KIF4A: variants seen among roughly 807,000 people sequenced by gnomAD.
The protein encoded by KIF4A is chromosome-associated kinesin KIF4A.
KIF4A carries 7 observed loss-of-function variants against 105.9 expected under a neutral mutation model. That is an observed-to-expected ratio of 0.07 (90% confidence interval 0.04 to 0.12). KIF4A has a LOEUF of 0.12. KIF4A is among the 10% of genes least tolerant of loss of function. KIF4A has a pLI of 1.00. For missense variants in KIF4A, 558 were observed against 929.2 expected (o/e 0.60, Z 5.19); for synonymous variants, 281 against 331.3 (o/e 0.85, Z 1.65).
At chrX:70,364,398 A>G (rs1346659593) in intron 15 of KIF4A, among the ~76,000 whole-genome samples, 2 of 109,101 alleles carry the variant, frequency 1.8e-5, no homozygotes, top group Non-Finnish European at 3.8e-5. Context: ...TCTTTAATCC[A>G]TCTTGAATTA....
chrX:70,326,536 A>C (rs965376366), intron 7 of KIF4A, among the ~76,000 whole-genome samples: 3 of 112,186 alleles, frequency 2.7e-5, no homozygotes, highest in Admixed American at 9.4e-5. Context: ...GATAGCTGTG[A>C]AGTTATATTT....
At chrX:70,348,952 T>C (rs769832146) in intron 13 of KIF4A, among the ~76,000 whole-genome samples, 72 of 56,721 alleles carry the variant, frequency 1.3e-3, no homozygotes, top group African/African-American at 1.8e-3. Context: ...TGGGCAGAGG[T>C]GCTCCTCACC....
intron 28 of KIF4A, among the ~76,000 whole-genome samples, chrX:70,415,707 G>C (rs1004968058): frequency 1.9e-4 from 21 of 108,879 alleles, no homozygotes; most frequent in African/African-American, 7.0e-4. Context: ...AGGCAAATAG[G>C]ATCAGGAAGG....
At chrX:70,385,421 TCTGA>T (rs1222384831) in intron 18 of KIF4A, among the ~76,000 whole-genome samples, 1 of 112,332 alleles carries the variant, frequency 8.9e-6, no homozygotes, top group African/African-American at 3.2e-5. Context: ...AGCTTAGTCC[TCTGA>T]CTGTGTTTCT....
chrX:70,331,364 G>C (rs756530012), intron 9 of KIF4A, among the ~76,000 whole-genome samples: 69 of 111,290 alleles, frequency 6.2e-4, no homozygotes, highest in African/African-American at 2.1e-3. Context: ...TTGCAGGCTT[G>C]GTTCCAGACC....
intron 9 of KIF4A, among the ~76,000 whole-genome samples, chrX:70,331,858 G>A (rs187411220): frequency 2.7e-5 from 3 of 112,527 alleles, no homozygotes; most frequent in African/African-American, 9.7e-5. Context: ...TAGAGCAAGA[G>A]TAGATTCATG....
intron 28 of KIF4A, among the ~76,000 whole-genome samples, chrX:70,416,113 C>T (rs1045384170): frequency 9.1e-6 from 1 of 109,549 alleles, no homozygotes; most frequent in South Asian, 3.9e-4. Context: ...ATGATCTGCC[C>T]GCCTCGGCCT....
rs751846600 is a variant in KIF4A at position 70,402,520 on chromosome X, A to T, written c.2490-46A>T. 7 of 1,186,442 alleles carry T rather than the reference A, an allele frequency of 5.9e-6. No homozygotes were observed. In the Admixed American group the frequency reaches 1.1e-4, roughly 19 times the overall value. On this transcript the variant is annotated intron_variant, in intron 22 of 30. Transcript: ENST00000374403. ...TCCTCAGAGCTCTTCCCCCTTCTTGATGTTCAGGCTACTTGCAATAAGGCT... is the reference window on the plus strand; with the variant it reads ...TCCTCAGAGCTCTTCCCCCTTCTTGTTGTTCAGGCTACTTGCAATAAGGCT...
intron 9 of KIF4A, among the ~76,000 whole-genome samples, chrX:70,333,214 C>T (rs1322228220): frequency 4.6e-5 from 5 of 108,284 alleles, no homozygotes; most frequent in Non-Finnish European, 9.6e-5. Context: ...TGGCGGGCGC[C>T]TGTAGTCCCA....
At chrX:70,291,491 C>T (rs1193275395) in intron 3 of KIF4A, among the ~76,000 whole-genome samples, 1 of 110,906 alleles carries the variant, frequency 9.0e-6, no homozygotes, top group Non-Finnish European at 1.9e-5. Context: ...CCTCTGAATA[C>T]TATCACCAGT....
Position 70,290,595 on chromosome X carries a change from A to G in KIF4A, c.120+17A>G, listed in dbSNP as rs1400333489. The G allele has an allele frequency of 2.5e-6, 3 of 1,210,663 alleles. No individual in the cohort carries two copies. The highest frequency in any genetic ancestry group is 2.2e-5 in the Admixed American group (1 of 45,959). ...GAGCCTCAGGTGCGTAGCAGAGTCC[A>G]GAGCCTGTGTCTGAACAGCTGGGGC... On this transcript the variant is annotated intron_variant, in intron 2 of 30. Coordinates refer to ENST00000374403, the MANE Select transcript of KIF4A (RefSeq NM_012310.5).
chrX:70,354,584 T>G (rs1280716690), intron 15 of KIF4A, among the ~76,000 whole-genome samples: 1 of 112,797 alleles, frequency 8.9e-6, no homozygotes. Context: ...TTCTCACATC[T>G]GAAATAAGAC....
At chrX:70,403,525 AC>A (rs1374348605) in intron 23 of KIF4A, among the ~76,000 whole-genome samples, 13 of 112,605 alleles carry the variant, frequency 1.2e-4, no homozygotes, top group African/African-American at 3.9e-4. Context: ...TTAAGGAAGA[AC>A]TTCTTAAATA....
At chrX:70,363,989 A>G (rs1399604904) in intron 15 of KIF4A, among the ~76,000 whole-genome samples, 1 of 112,528 alleles carries the variant, frequency 8.9e-6, no homozygotes, top group African/African-American at 3.2e-5. Flanking sequence ...TCTGATGGCC[A>G]GTGATGATGA....
In KIF4A at chrX:70,301,987, T is replaced by C; in HGVS notation, c.604T>C (p.Ser202Pro). The change falls in exon 6 of 31, where the codon TCC (serine) becomes CCC (proline). Residue 202 changes from serine (S) to proline (P), a missense_variant. Around this residue, in one of 2 missense-constraint regions of KIF4A, gnomAD observed 89 missense variants for 248.8 expected, o/e 0.36. Coordinates refer to ENST00000374403, the MANE Select transcript of KIF4A (RefSeq NM_012310.5). The part of the protein sequence containing the change: ...EQGNNSRTVA[S>P]TAMNSQSSRS... The stretch of plus-strand genomic sequence containing the variant: ...GGGCAACAACTCTAGGACTGTGGCC[T>C]CCACGGCTATGAACTCCCAGTCGTC... 8.3e-7 allele frequency: 1 copy of C among 1,211,899 alleles called. No homozygotes were observed. Among genetic ancestry groups the C allele is most frequent in the Non-Finnish European group, 1.1e-6 (1 of 895,458 alleles).
rs2086286256 is a variant in KIF4A at position 70,402,592 on chromosome X, A to T, written c.2516A>T (p.Gln839Leu). 1 of 1,210,720 alleles carries T rather than the reference A, an allele frequency of 8.3e-7. No homozygotes were observed. Among genetic ancestry groups the T allele is most frequent in the Non-Finnish European group, 1.1e-6 (1 of 895,380 alleles). ...AGTGCTCAGATTGCTGACCTACAGC[A>T]GAAGCTGCTGGATGCAGAAAGTGAA... is the stretch of plus-strand genomic sequence containing the variant. ...FRSAQIADLQ[Q>L]KLLDAESEDR... is the part of the protein sequence containing the mutation. The change falls in exon 23 of 31, where the codon CAG (glutamine) becomes CTG (leucine). Residue 839 changes from glutamine (Q) to leucine (L), a missense_variant. Around this residue, in one of 2 missense-constraint regions of KIF4A, gnomAD observed 469 missense variants for 680.4 expected, o/e 0.69. Coordinates refer to ENST00000374403, the MANE Select transcript of KIF4A (RefSeq NM_012310.5).
chrX:70,378,911 C>T (rs993344224), intron 18 of KIF4A, among the ~76,000 whole-genome samples: 2 of 109,455 alleles, frequency 1.8e-5, no homozygotes, highest in African/African-American at 6.6e-5. Context: ...AATCCCAGCA[C>T]TTTGGGAGGC....
intron 7 of KIF4A, among the ~76,000 whole-genome samples, chrX:70,318,383 A>G (rs1336580823): frequency 1.8e-5 from 2 of 112,083 alleles, no homozygotes; most frequent in Non-Finnish European, 3.8e-5. Flanking sequence ...ATTTTTGTAT[A>G]GTAATCTATC....
At chrX:70,376,323 A>C in intron 18 of KIF4A, 113 bp downstream of exon 18, 25 of 455,436 alleles carry the variant, frequency 5.5e-5, no homozygotes, top group Middle Eastern at 3.6e-4. Flanking sequence ...TGACATTCTC[A>C]TGAATTTAAC....
Sources: allele counts gnomAD v4.1 joint callset (sites outside exome capture counted in the v4.1 genomes callset), GRCh38; gene constraint gnomAD v4.1.1; regional missense constraint gnomAD v4.1.1; transcripts MANE v1.5; gene names NCBI Gene and HGNC (gene_info 2026-07-23, HGNC 2026-07-21).